Variants in ARL6IP6 observed in about 807,000 individuals in gnomAD.
ARL6IP6 encodes the protein ADP-ribosylation factor-like protein 6-interacting protein 6.
ARL6IP6 carries 22 observed loss-of-function variants against 21.5 expected under a neutral mutation model. That is an observed-to-expected ratio of 1.02 (90% CI 0.73 to 1.46). ARL6IP6 has a LOEUF of 1.46. Among genes scored for constraint, ARL6IP6 ranks in the 40% most tolerant of loss-of-function variants. ARL6IP6 has a pLI of 0.00. For synonymous variants in ARL6IP6, 164 were observed against 125.3 expected (o/e 1.31, Z -2.06); for missense variants, 388 against 299.8 (o/e 1.29, Z -2.17).
chr2:152,757,257 A>AT (rs1381704465), intron 3 of ARL6IP6, among the ~76,000 whole-genome samples: 1 of 152,130 alleles, frequency 6.6e-6, no homozygotes, highest in Non-Finnish European at 1.5e-5. Context: ...TTTAAAAGGG[A>AT]TCTTTTTGCA....
At chr2:152,740,291 G>C (rs1227082509) in intron 3 of ARL6IP6, among the ~76,000 whole-genome samples, 1 of 152,004 alleles carries the variant, frequency 6.6e-6, no homozygotes, top group East Asian at 1.9e-4. Flanking sequence ...GTAGAGACAG[G>C]ATTTTGCCAT....
chr2:152,719,171 G>T, intron 1 of ARL6IP6, 147 bp downstream of exon 1: 1 of 917,630 alleles, frequency 1.1e-6, no homozygotes, highest in South Asian at 2.5e-5. Flanking sequence ...ATCTTACTTT[G>T]CTCTCCCGCC....
intron 3 of ARL6IP6, among the ~76,000 whole-genome samples, chr2:152,741,827 A>G (rs888565563): frequency 6.6e-6 from 1 of 152,244 alleles, no homozygotes. Flanking sequence ...GTCAAAAGGT[A>G]TAGTGCAATA....
chr2:152,721,278 A>G (rs1699777936), intron 2 of ARL6IP6, among the ~76,000 whole-genome samples: 1 of 152,118 alleles, frequency 6.6e-6, no homozygotes, highest in Non-Finnish European at 1.5e-5. Flanking sequence ...CTTCCTCACT[A>G]TCCTAGCAAA....
Position 152,756,414 on chromosome 2 carries a change from A to G in ARL6IP6, c.588-3333A>G, listed in dbSNP as rs571114534. On this transcript the variant is annotated intron_variant, in intron 3 of 3. Coordinates refer to ENST00000326446, the MANE Select transcript of ARL6IP6 (RefSeq NM_152522.7). ...ATATCTTCATAACCTTGGAGTAGTC[A>G]AAGATTTAATGAAAAAGCCACCAAA... is the stretch of plus-strand genomic sequence containing the variant. Among the ~76,000 whole-genome samples, 14 of 152,262 alleles carry G rather than the reference A, an allele frequency of 9.2e-5. No homozygotes were observed. The South Asian group carries it at 2.9e-3, about 32-fold the overall frequency.
At chr2:152,720,291 A>G (rs984335595) in intron 1 of ARL6IP6, 8 of 533,796 alleles carry the variant, frequency 1.5e-5, no homozygotes, top group Non-Finnish European at 2.7e-5. Context: ...GTTTACCACT[A>G]CCTTAGGGAA....
At chr2:152,750,924 A>T (rs1701297752) in intron 3 of ARL6IP6, among the ~76,000 whole-genome samples, 1 of 152,240 alleles carries the variant, frequency 6.6e-6, no homozygotes, top group Non-Finnish European at 1.5e-5. Context: ...TAATAATTGT[A>T]GTAACATCTC....
rs6146967 is a variant in ARL6IP6 at position 152,743,101 on chromosome 2, A to AATGTGTTCTTAACATC, written c.587+7976_587+7977insTGTGTTCTTAACATCA. ...TGCCCCCACAGTATTGCTAAATCAA[A>AATGTGTTCTTAACATC]AGACTTTCTCTGTCTTTTCCATTGT... On this transcript the variant is annotated intron_variant, in intron 3 of 3. Transcript: ENST00000326446. 6.6e-5 allele frequency among the ~76,000 whole-genome samples: 10 copies of AATGTGTTCTTAACATC among 152,288 alleles called. No homozygotes were observed. In the East Asian group the frequency reaches 1.7e-3, roughly 26 times the overall value.
intron 2 of ARL6IP6, among the ~76,000 whole-genome samples, chr2:152,725,547 T>C (rs1247664118): frequency 1.3e-5 from 2 of 152,184 alleles, no homozygotes; most frequent in African/African-American, 4.8e-5. Context: ...TGAAAATATG[T>C]TACAAATTAT....
intron 3 of ARL6IP6, among the ~76,000 whole-genome samples, chr2:152,751,862 C>G (rs1282464108): frequency 1.3e-5 from 2 of 152,164 alleles, no homozygotes; most frequent in African/African-American, 2.4e-5. Flanking sequence ...CTTGAATATA[C>G]TGATTGTCCT....
intron 3 of ARL6IP6, among the ~76,000 whole-genome samples, chr2:152,735,414 T>C (rs17400938): frequency 0.13 from 19,527 of 152,244 alleles, 1,541 homozygotes; most frequent in Middle Eastern, 0.24. Flanking sequence ...TAGAATTTGA[T>C]TTAAAACAGT....
intron 2 of ARL6IP6, among the ~76,000 whole-genome samples, chr2:152,731,938 G>T (rs941582892): frequency 2.6e-5 from 4 of 151,950 alleles, no homozygotes; most frequent in African/African-American, 9.7e-5. Context: ...ATATTTTCAG[G>T]ATCTTTCCAT....
At chr2:152,739,860 A>G (rs1700727645) in intron 3 of ARL6IP6, among the ~76,000 whole-genome samples, 1 of 152,226 alleles carries the variant, frequency 6.6e-6, no homozygotes, top group African/African-American at 2.4e-5. Context: ...GAGCAAAGGC[A>G]CATCTTACAT....
chr2:152,734,751 C>T (rs1415385753), intron 2 of ARL6IP6, among the ~76,000 whole-genome samples: 1 of 152,098 alleles, frequency 6.6e-6, no homozygotes, highest in African/African-American at 2.4e-5. Context: ...TTGAATTTAC[C>T]CTTTTTTCCC....
At position 152,727,824 on chromosome 2, in the gene ARL6IP6, AAAC is replaced by A. The variant is rs1700114870; in HGVS notation, c.455-7163_455-7161del. On this transcript the variant is annotated intron_variant, in intron 2 of 3. Transcript: ENST00000326446. ...TTGTAAGTACGCTCTTGTGATGTAC[AAAC>A]AACAACGAAATCACCTAATGATGCA... Among the ~76,000 whole-genome samples, 3 of 152,368 alleles carry A rather than the reference AAAC, an allele frequency of 2.0e-5. No homozygotes were observed. The East Asian group carries it at 5.8e-4, about 29-fold the overall frequency.
intron 3 of ARL6IP6, among the ~76,000 whole-genome samples, chr2:152,739,944 T>C (rs530243347): frequency 2.0e-5 from 3 of 152,066 alleles, no homozygotes; most frequent in Non-Finnish European, 4.4e-5. Context: ...ACTCACACAC[T>C]ATTAGTGGAA....
chr2:152,749,555 T>C (rs1701223955), intron 3 of ARL6IP6, among the ~76,000 whole-genome samples: 2 of 152,196 alleles, frequency 1.3e-5, no homozygotes, highest in Admixed American at 1.3e-4. Flanking sequence ...CTAAGATGTA[T>C]TGATCATTTA....
chr2:152,717,849 G>C, upstream of ARL6IP6: 12 of 1,101,130 alleles, frequency 1.1e-5, no homozygotes, highest in Non-Finnish European at 1.3e-5. Flanking sequence ...GCCAGGGGTA[G>C]GGTGGAGGGG....
intron 2 of ARL6IP6, chr2:152,732,487 A>G (rs1700363788): frequency 1.2e-5 from 5 of 406,334 alleles, no homozygotes. Flanking sequence ...TTAACTTTAT[A>G]TTTGGATTTT....
Sources: allele counts gnomAD v4.1 joint callset (sites outside exome capture counted in the v4.1 genomes callset), GRCh38; gene constraint gnomAD v4.1.1; transcripts MANE v1.5; gene names NCBI Gene and HGNC (gene_info 2026-07-23, HGNC 2026-07-21).